Variants in CADPS2 observed in about 807,000 individuals in gnomAD.
CADPS2 encodes the protein calcium dependent secretion activator 2.
CADPS2 carries 93 observed loss-of-function variants against 172.5 expected under a neutral mutation model. The ratio of observed to expected loss-of-function variants is 0.54; its 90% CI spans 0.46 to 0.64. CADPS2 has a LOEUF of 0.64. Ranked by LOEUF, CADPS2 falls within the 30% of genes least tolerant of loss-of-function variation. The pLI is 0.00. For synonymous variants in CADPS2, 546 were observed against 555.2 expected, an observed-to-expected ratio of 0.98 and a Z score of 0.23; for missense variants, 1,420 against 1,565.9, an observed-to-expected ratio of 0.91 and a Z score of 1.57.
rs567905090 is a variant in CADPS2, at chr7:122,813,387, T to C, written c.339+72612A>G. 5.9e-5 allele frequency among the ~76,000 whole-genome samples: 9 copies of C among 152,288 alleles called. No individual in the cohort carries two copies. The East Asian group carries it at 1.7e-3, about 29-fold the overall frequency. On this transcript the variant is annotated intron_variant, in intron 1 of 29. Transcript: ENST00000449022. Reference sequence around the variant, plus strand: ...CTACAGTAATTATATTTTTTAATTATGCTAATTTGTAATAATTACATTTAA... The same window carrying C: ...CTACAGTAATTATATTTTTTAATTACGCTAATTTGTAATAATTACATTTAA...
At chr7:122,797,139 C>G (rs951088940) in intron 1 of CADPS2, among the ~76,000 whole-genome samples, 1 of 151,838 alleles carries the variant, frequency 6.6e-6, no homozygotes, top group Admixed American at 6.6e-5. Context: ...ACACGCAAAT[C>G]AAACCACAAC....
intron 1 of CADPS2, among the ~76,000 whole-genome samples, chr7:122,738,245 T>G (rs1170450428): frequency 6.6e-6 from 1 of 152,098 alleles, no homozygotes; most frequent in Non-Finnish European, 1.5e-5. Context: ...AATAAGGAGC[T>G]TCTTAGTAAA....
chr7:122,791,017 T>C (rs1158361993), intron 1 of CADPS2, among the ~76,000 whole-genome samples: 1 of 152,184 alleles, frequency 6.6e-6, no homozygotes, highest in African/African-American at 2.4e-5. Context: ...AGTGTGCCCA[T>C]AGAGTATGCA....
intron 1 of CADPS2, among the ~76,000 whole-genome samples, chr7:122,766,211 G>A (rs1282773556): frequency 1.3e-5 from 2 of 152,040 alleles, no homozygotes; most frequent in East Asian, 1.9e-4. Flanking sequence ...ATGTATTCAT[G>A]AGGAATCCAC....
At chr7:122,869,316 T>G (rs998128505) in intron 1 of CADPS2, among the ~76,000 whole-genome samples, 1 of 152,096 alleles carries the variant, frequency 6.6e-6, no homozygotes, top group South Asian at 2.1e-4. Flanking sequence ...GAGAAAATAT[T>G]GAAAAATCTG....
chr7:122,527,611 AGAGAGAGTGT>A (rs1376117787), intron 8 of CADPS2, among the ~76,000 whole-genome samples: 21 of 110,810 alleles, frequency 1.9e-4, no homozygotes, highest in African/African-American at 6.4e-4. Flanking sequence ...AGAGAGAGAG[AGAGAGAGTGT>A]GTGTGTGTGT....
intron 12 of CADPS2, among the ~76,000 whole-genome samples, chr7:122,480,364 C>G (rs1312231836): frequency 7.0e-6 from 1 of 142,208 alleles, no homozygotes; most frequent in African/African-American, 2.6e-5. Context: ...CTGATTTATA[C>G]TTCATTCTAA....
At chr7:122,569,235 T>C (rs1439594604) in intron 7 of CADPS2, among the ~76,000 whole-genome samples, 7 of 152,020 alleles carry the variant, frequency 4.6e-5, no homozygotes, top group Admixed American at 3.3e-4. Context: ...TATACACCAA[T>C]AACAGACAAA....
chr7:122,867,776 T>C (rs558876003), intron 1 of CADPS2, among the ~76,000 whole-genome samples: 1 of 152,230 alleles, frequency 6.6e-6, no homozygotes, highest in African/African-American at 2.4e-5. Context: ...TCCAGACCCA[T>C]GGAAAATCTC....
chr7:122,491,674 TATTAATAGAAGC>T (rs2058301060), intron 9 of CADPS2, among the ~76,000 whole-genome samples: 1 of 152,178 alleles, frequency 6.6e-6, no homozygotes. Context: ...CAAGCTTCTA[TATTAATAGAAGC>T]ACCATAAATA....
At chr7:122,645,881 T>C (rs2078496626) in intron 3 of CADPS2, among the ~76,000 whole-genome samples, 1 of 150,972 alleles carries the variant, frequency 6.6e-6, no homozygotes, top group Non-Finnish European at 1.5e-5. Context: ...TATTCTTTAG[T>C]ATTTCATTTG....
At chr7:122,398,234 T>C (rs1387296296) in intron 20 of CADPS2, among the ~76,000 whole-genome samples, 1 of 152,192 alleles carries the variant, frequency 6.6e-6, no homozygotes, top group Non-Finnish European at 1.5e-5. Flanking sequence ...ATTTAAACTA[T>C]GATCCAATTA....
At chr7:122,670,117 G>A (rs1489092021) in intron 2 of CADPS2, among the ~76,000 whole-genome samples, 1 of 151,812 alleles carries the variant, frequency 6.6e-6, no homozygotes, top group Non-Finnish European at 1.5e-5. Context: ...CTGCTTCAGA[G>A]GTTTATCTGG....
intron 17 of CADPS2, among the ~76,000 whole-genome samples, chr7:122,430,965 G>T (rs966638913): frequency 6.6e-6 from 1 of 152,164 alleles, no homozygotes; most frequent in African/African-American, 2.4e-5. Context: ...ATCAAAACAG[G>T]CTAGATTACT....
chr7:122,852,271 G>C (rs529803021), intron 1 of CADPS2, among the ~76,000 whole-genome samples: 4 of 152,262 alleles, frequency 2.6e-5, no homozygotes, highest in Admixed American at 2.6e-4. Context: ...TCATTCAATG[G>C]TACCTGAATT....
chr7:122,593,188 T>C (rs920468467), intron 6 of CADPS2, among the ~76,000 whole-genome samples: 1 of 151,922 alleles, frequency 6.6e-6, no homozygotes, highest in Non-Finnish European at 1.5e-5. Context: ...TACTACTCTA[T>C]ATTTTCAACA....
At chr7:122,609,532 T>C (rs1338124408) in intron 6 of CADPS2, among the ~76,000 whole-genome samples, 1 of 152,194 alleles carries the variant, frequency 6.6e-6, no homozygotes, top group Non-Finnish European at 1.5e-5. Flanking sequence ...CCACACTCTC[T>C]TCCCTATTTT....
intron 27 of CADPS2, among the ~76,000 whole-genome samples, chr7:122,346,293 G>A (rs1015246421): frequency 2.0e-5 from 3 of 152,102 alleles, no homozygotes; most frequent in Admixed American, 2.0e-4. Flanking sequence ...GCTTGAGCAT[G>A]GGTGGTTGAG....
At chr7:122,698,851 A>T (rs2136208993) in intron 2 of CADPS2, 1 of 1,613,184 alleles carries the variant, frequency 6.2e-7, no homozygotes, top group Admixed American at 1.7e-5. Flanking sequence ...AAGCCAAAGA[A>T]CACTGAACTT....
Sources: allele counts gnomAD v4.1 joint callset (sites outside exome capture counted in the v4.1 genomes callset), GRCh38; gene constraint gnomAD v4.1.1; transcripts MANE v1.5; gene names NCBI Gene and HGNC (gene_info 2026-07-23, HGNC 2026-07-21).